SYT7: variants seen among roughly 807,000 people sequenced by gnomAD.
SYT7 encodes synaptotagmin 7, also known as synaptotagmin-7.
In SYT7, 29 loss-of-function variants were observed where a neutral mutation model predicts 75.1. That is an observed-to-expected ratio of 0.39 (90% CI 0.29 to 0.53). The LOEUF (loss-of-function observed/expected upper bound fraction) is 0.53, where lower values mean the gene tolerates loss of function less well. Among genes scored for constraint, SYT7 ranks in the 20% least tolerant of loss-of-function variants. The pLI, the probability that SYT7 is intolerant of heterozygous loss-of-function variation, is 0.77. For synonymous variants in SYT7, 376 were observed against 401.7 expected (o/e 0.94, Z 0.76); for missense variants, 693 against 953.2 (o/e 0.73, Z 3.59).
chr11:61,544,598 C>T (rs1433323424), intron 5 of SYT7, among the ~76,000 whole-genome samples: 2 of 152,170 alleles, frequency 1.3e-5, no homozygotes, highest in Admixed American at 1.3e-4. Flanking sequence ...GCTGCCTCCT[C>T]CCCCTCCTTG....
At chr11:61,558,388 G>A (rs1300041816) in intron 1 of SYT7, among the ~76,000 whole-genome samples, 2 of 151,998 alleles carry the variant, frequency 1.3e-5, no homozygotes, top group Non-Finnish European at 2.9e-5. Context: ...CTGGCATGGG[G>A]GTTGGAGGGG....
At chr11:61,520,387 A>G (rs1285873810) in intron 12 of SYT7, among the ~76,000 whole-genome samples, 1 of 151,962 alleles carries the variant, frequency 6.6e-6, no homozygotes, top group African/African-American at 2.4e-5. Context: ...TTAGCTGGGC[A>G]TGGTGGTACG....
intron 3 of SYT7, among the ~76,000 whole-genome samples, chr11:61,549,076 T>A (rs1444948226): frequency 6.6e-6 from 1 of 152,070 alleles, no homozygotes; most frequent in Non-Finnish European, 1.5e-5. Context: ...GGATGGGGCC[T>A]CCCTGCGTCA....
chr11:61,585,076 GA>G (rs11307934), upstream of SYT7, among the ~76,000 whole-genome samples: 2,076 of 152,262 alleles, frequency 0.014, 42 homozygotes, highest in African/African-American at 0.047. Context: ...CGGCTTCAGG[GA>G]GGGACATTCT....
At chr11:61,530,829 CCTA>C in intron 8 of SYT7, 1 of 985,396 alleles carries the variant, frequency 1.0e-6, no homozygotes, top group Non-Finnish European at 1.2e-6. Flanking sequence ...AACCCTGAGC[CCTA>C]CTTACTCAGC....
At chr11:61,571,426 T>A (rs2063917493) in intron 1 of SYT7, among the ~76,000 whole-genome samples, 1 of 152,158 alleles carries the variant, frequency 6.6e-6, no homozygotes, top group Admixed American at 6.5e-5. Flanking sequence ...CACACACACA[T>A]ATACACGTGT....
At chr11:61,566,000 A>T (rs1034915441) in intron 1 of SYT7, among the ~76,000 whole-genome samples, 1 of 152,284 alleles carries the variant, frequency 6.6e-6, no homozygotes, top group Non-Finnish European at 1.5e-5. Context: ...TGGATGGGCC[A>T]GCAGCCGTTC....
At position 61,546,841 on chromosome 11, in the gene SYT7, C is replaced by T. The variant is rs1010552139; in HGVS notation, c.347+336G>A. ...GAAGAAGCGACCACAACCGAGGGGG[C>T]GGGACCCAAACGGGCAACCCCATCC... On this transcript the variant is annotated intron_variant, in intron 4 of 12. Transcript: ENST00000539008. The surrounding 1 kb of genome is among the most constrained non-coding windows in gnomAD (Gnocchi z 7.6). Among the ~76,000 whole-genome samples, 1 of 151,988 alleles carries T rather than the reference C, an allele frequency of 6.6e-6. No homozygotes were observed. Among genetic ancestry groups the T allele is most frequent in the East Asian group, 1.9e-4 (1 of 5,162 alleles).
intron 12 of SYT7, 36 bp from the exon 13 acceptor site, chr11:61,518,767 G>T (rs1365459716): frequency 2.1e-6 from 3 of 1,449,530 alleles, no homozygotes; most frequent in Non-Finnish European, 2.8e-6. Flanking sequence ...ATCGGCACAG[G>T]CTCCAGGGCA....
chr11:61,570,206 C>T (rs1432321539), intron 1 of SYT7, among the ~76,000 whole-genome samples: 1 of 152,218 alleles, frequency 6.6e-6, no homozygotes, highest in Non-Finnish European at 1.5e-5. Context: ...CTGGTGGGTC[C>T]TGTTCCCTTC....
rs1230918658 is a variant in SYT7 at position 61,546,187 on chromosome 11, A to G, written c.416T>C (p.Leu139Pro). The G allele has an allele frequency of 6.6e-7, 1 of 1,518,270 alleles. No homozygotes were observed. Among genetic ancestry groups the G allele is most frequent in the Non-Finnish European group, 8.8e-7 (1 of 1,140,038 alleles). 94.0% of individuals were successfully genotyped at this position (1,518,270 alleles called of 1,614,324 possible). Residue 139 changes from leucine (L) to proline (P), a missense_variant, in exon 5 of 13, where the codon CTG becomes CCG. Coordinates refer to ENST00000539008, the MANE Select transcript of SYT7 (RefSeq NM_001365809.2). The surrounding 1 kb of genome is among the most constrained non-coding windows in gnomAD (Gnocchi z 7.6). ...CGGCACCGGTGCCGGCTTCTCCCCC[A>G]GCCGGCCTTCCCGCTCCACCGCCAG... ...AGLAVEREGRLGEKPAPVPPP... is the reference protein window; with the variant it reads ...AGLAVEREGRPGEKPAPVPPP...
At chr11:61,540,399 T>C in intron 6 of SYT7, 1 of 650,670 alleles carries the variant, frequency 1.5e-6, no homozygotes, top group Non-Finnish European at 1.9e-6. Flanking sequence ...CTAAGAGTGG[T>C]TTTTACATTT....
chr11:61,530,726 A>G (rs1436440225), intron 8 of SYT7: 2 of 900,490 alleles, frequency 2.2e-6, no homozygotes, highest in Non-Finnish European at 2.7e-6. Context: ...GCTGCCAAAC[A>G]GTGTGGTCTT....
At chr11:61,533,654 A>G (rs1194997344) in intron 7 of SYT7, 7 of 985,264 alleles carry the variant, frequency 7.1e-6, no homozygotes, top group Non-Finnish European at 8.4e-6. Context: ...TCCAGACGTG[A>G]GACTGACCAG....
At chr11:61,567,703 CT>C (rs1217252645) in intron 1 of SYT7, among the ~76,000 whole-genome samples, 1 of 152,248 alleles carries the variant, frequency 6.6e-6, no homozygotes, top group African/African-American at 2.4e-5. Context: ...GCACTGCCTC[CT>C]GGTGGCTGGC....
chr11:61,579,990 C>A (rs1439354052), intron 1 of SYT7, among the ~76,000 whole-genome samples: 1 of 152,102 alleles, frequency 6.6e-6, no homozygotes, highest in Non-Finnish European at 1.5e-5. Flanking sequence ...GAGCAATTTC[C>A]GAGGAAGACG....
intron 12 of SYT7, among the ~76,000 whole-genome samples, chr11:61,520,058 TC>T: frequency 9.8e-6 from 1 of 102,158 alleles, no homozygotes; most frequent in Admixed American, 7.9e-5. Flanking sequence ...GACCTCGTGA[TC>T]TGGGCAAACT....
chr11:61,570,385 T>C (rs2135422317), intron 1 of SYT7, among the ~76,000 whole-genome samples: 1 of 152,258 alleles, frequency 6.6e-6, no homozygotes, highest in Non-Finnish European at 1.5e-5. Context: ...GTGAGAGGGT[T>C]CTGCAAGGGT....
At chr11:61,558,503 C>CACACACAT (rs1233099531) in intron 1 of SYT7, among the ~76,000 whole-genome samples, 1 of 132,276 alleles carries the variant, frequency 7.6e-6, no homozygotes, top group African/African-American at 2.9e-5. Flanking sequence ...CACACACACA[C>CACACACAT]ATACACACAC....
Sources: gnomAD v4.1 joint callset for allele counts (sites outside exome capture counted in the v4.1 genomes callset) on GRCh38, gnomAD v4.1.1 for gene constraint, Gnocchi (gnomAD v3.1) non-coding constraint, MANE v1.5 for transcripts, NCBI Gene and HGNC (gene_info 2026-07-23, HGNC 2026-07-21) for gene names.